Variants in HABP2 observed in about 807,000 individuals in gnomAD.
HABP2 encodes hyaluronan binding protein 2.
HABP2 carries 65 observed loss-of-function variants against 66.5 expected under a neutral mutation model. That is an observed-to-expected ratio of 0.98 (90% CI 0.80 to 1.20). The LOEUF is 1.20. HABP2 is among the 50% of genes most tolerant of loss of function. The pLI is 0.00. For missense variants in HABP2, 786 were observed against 691.0 expected, an observed-to-expected ratio of 1.14 and a Z score of -1.54; for synonymous variants, 263 against 253.9, an observed-to-expected ratio of 1.04 and a Z score of -0.34.
chr10:113,567,384 G>A (rs1008517258), intron 1 of HABP2, 105 bp from the exon 2 acceptor site: 22 of 829,622 alleles, frequency 2.7e-5, no homozygotes, highest in East Asian at 2.5e-4. Flanking sequence ...CAGAAAGCAC[G>A]CAGTGCACCT....
intron 7 of HABP2, 25 bp downstream of exon 7, chr10:113,578,823 A>T (rs756054784): frequency 1.9e-5 from 29 of 1,530,162 alleles, no homozygotes; most frequent in Non-Finnish European, 2.6e-5. Context: ...ATTTATGCTC[A>T]GTTGATTTTG....
rs11575668 is a variant in HABP2 at position 113,567,325 on chromosome 10, A to G, written c.70-164A>G. On this transcript the variant is annotated intron_variant, in intron 1 of 12. Coordinates refer to ENST00000351270, the MANE Select transcript of HABP2 (RefSeq NM_004132.5). ...TGGTGGTGGAGGGGGTGTATCTTCA[A>G]ATAGACCCCATTGCCCCTCCCTTCA... 0.065 allele frequency among the ~76,000 whole-genome samples: 9,910 copies of G among 152,184 alleles called. 382 individuals carry two copies. Among genetic ancestry groups the G allele is most frequent in the Middle Eastern group, 0.12 (35 of 294 alleles).
At chr10:113,555,326 T>C (rs1038919132) in intron 1 of HABP2, among the ~76,000 whole-genome samples, 1 of 152,136 alleles carries the variant, frequency 6.6e-6, no homozygotes, top group African/African-American at 2.4e-5. Flanking sequence ...GTGTAGCCAG[T>C]CTCCTGTCTG....
intron 2 of HABP2, among the ~76,000 whole-genome samples, chr10:113,568,689 G>C (rs1845246467): frequency 6.6e-6 from 1 of 152,156 alleles, no homozygotes; most frequent in Admixed American, 6.5e-5. Context: ...GTCCAGGGAG[G>C]AGCCAAGACC....
Position 113,583,241 on chromosome 10 carries a change from G to T in HABP2, c.1120G>T (p.Val374Leu). 1.2e-6 allele frequency: 2 copies of T among 1,613,756 alleles called. No homozygotes were observed. The highest frequency in any genetic ancestry group is 1.7e-6 in the Non-Finnish European group (2 of 1,179,644). The change falls in exon 10 of 13, where the codon GTG (valine) becomes TTG (leucine). Residue 374 changes from valine to leucine, a missense_variant. Transcript: ENST00000351270. ...TDIKTRHLKV[V>L]LGDQDLKKEE... ...CATAAAAACCAGACATCTAAAGGTG[G>T]TGCTAGGGGACCAGGACCTGAAGAA... is the stretch of plus-strand genomic sequence containing the variant.
At chr10:113,581,729 G>A (rs1201067633) in intron 8 of HABP2, 147 bp from the exon 9 acceptor site, 2 of 725,896 alleles carry the variant, frequency 2.8e-6, no homozygotes, top group Non-Finnish European at 4.8e-6. Context: ...TGCACCTACT[G>A]CATGCCCACC....
intron 11 of HABP2, among the ~76,000 whole-genome samples, 193 bp from the exon 12 acceptor site, chr10:113,585,600 C>T (rs1845618486): frequency 6.6e-6 from 1 of 152,148 alleles, no homozygotes; most frequent in South Asian, 2.1e-4. Flanking sequence ...TGTATCATGA[C>T]CAGCACAGGA....
rs186291355 is a variant in HABP2, at chr10:113,557,055, G to A, written c.69+3865G>A. 2.6e-5 allele frequency among the ~76,000 whole-genome samples: 4 copies of A among 152,118 alleles called. No homozygotes were observed. The East Asian group carries it at 5.8e-4, about 22-fold the overall frequency. On this transcript the variant is annotated intron_variant, in intron 1 of 12. Transcript: ENST00000351270. ...GAAATGCTGTGGATATTGACTTATC[G>A]GACCAAGTTTGGGATGGGCAAGTGA...
intron 7 of HABP2, 41 bp from the exon 8 acceptor site, chr10:113,580,554 C>A: frequency 1.0e-6 from 1 of 1,000,532 alleles, no homozygotes; most frequent in South Asian, 1.3e-5. Context: ...CCAGTGTGTT[C>A]ATCAAGCCTT....
In HABP2 at chr10:113,553,259, G is replaced by A. The variant is rs1027177569; in HGVS notation, c.69+69G>A. On this transcript the variant is annotated intron_variant, in intron 1 of 12. Coordinates refer to ENST00000351270, the MANE Select transcript of HABP2 (RefSeq NM_004132.5). ...TTTACTAGGAGGACCAAGCTAGGCT[G>A]GGAGTGATGAGAAACTTTAGAGTGA... 3.5e-6 allele frequency: 4 copies of A among 1,143,394 alleles called. No individual in the cohort carries two copies. The Admixed American group carries it at 5.2e-5, about 15-fold the overall frequency. 70.8% of individuals were successfully genotyped at this position (1,143,394 alleles called of 1,614,324 possible).
At chr10:113,577,925 G>A (rs1845441859) in intron 5 of HABP2, 101 bp from the exon 6 acceptor site, 2 of 1,406,478 alleles carry the variant, frequency 1.4e-6, no homozygotes, top group Admixed American at 1.9e-5. Flanking sequence ...TTCGCGAAAG[G>A]ATGGACACCA....
chr10:113,560,943 G>C (rs1845089270), intron 1 of HABP2, among the ~76,000 whole-genome samples: 1 of 152,192 alleles, frequency 6.6e-6, no homozygotes, highest in African/African-American at 2.4e-5. Context: ...ATTAGAGAGT[G>C]GTGATGGGTA....
chr10:113,566,755 C>T (rs554801435), intron 1 of HABP2, among the ~76,000 whole-genome samples: 3 of 152,230 alleles, frequency 2.0e-5, no homozygotes, highest in East Asian at 1.9e-4. Context: ...TGAGACCTAG[C>T]GAAGGTCATA....
At chr10:113,557,785 C>T (rs890507684) in intron 1 of HABP2, among the ~76,000 whole-genome samples, 26 of 152,196 alleles carry the variant, frequency 1.7e-4, no homozygotes, top group African/African-American at 6.0e-4. Flanking sequence ...GCAGCAACCA[C>T]GTATGAAGTC....
chr10:113,581,984 G>T lies in HABP2; in HGVS notation c.947G>T (p.Gly316Val). The stretch of plus-strand genomic sequence containing the variant: ...GAGAGGAAGATCAAGAGAATCTATG[G>T]AGGCTTTAAGAGCACGGCGGGCAAG... ...IAERKIKRIYGGFKSTAGKHP... is the reference protein window; with the variant it reads ...IAERKIKRIYVGFKSTAGKHP... Residue 316 changes from glycine to valine, a missense_variant, in exon 9 of 13, where the codon GGA becomes GTA. Gly to Val is a moderately radical substitution (Grantham distance 109, BLOSUM62 -3). Coordinates refer to ENST00000351270, the MANE Select transcript of HABP2 (RefSeq NM_004132.5). 6.2e-7 allele frequency: 1 copy of T among 1,614,200 alleles called. No individual in the cohort carries two copies. The highest frequency in any genetic ancestry group is 8.5e-7 in the Non-Finnish European group (1 of 1,180,016).
At chr10:113,566,968 A>G (rs1845209188) in intron 1 of HABP2, among the ~76,000 whole-genome samples, 1 of 152,178 alleles carries the variant, frequency 6.6e-6, no homozygotes, top group Admixed American at 6.5e-5. Flanking sequence ...AAGGGTTTTA[A>G]GCATCTGTCC....
intron 12 of HABP2, 68 bp from the exon 13 acceptor site, chr10:113,588,137 A>C: frequency 7.5e-7 from 1 of 1,332,826 alleles, no homozygotes; most frequent in East Asian, 2.4e-5. Flanking sequence ...CACCCCCTGG[A>C]GAGAGGTGGG....
chr10:113,579,718 T>C (rs976282645), intron 7 of HABP2, among the ~76,000 whole-genome samples: 4 of 152,142 alleles, frequency 2.6e-5, no homozygotes, highest in Non-Finnish European at 5.9e-5. Context: ...AGGGGGTCTT[T>C]GTATGGCTTT....
At chr10:113,556,060 C>T (rs1817497603) in intron 1 of HABP2, among the ~76,000 whole-genome samples, 1 of 149,208 alleles carries the variant, frequency 6.7e-6, no homozygotes, top group Non-Finnish European at 1.5e-5. Flanking sequence ...CTCTCCCCTG[C>T]AAAGGAGGTG....
Sources: gnomAD v4.1 joint callset for allele counts (sites outside exome capture counted in the v4.1 genomes callset) on GRCh38, gnomAD v4.1.1 for gene constraint, MANE v1.5 for transcripts, NCBI Gene and HGNC (gene_info 2026-07-23, HGNC 2026-07-21) for gene names.